Variants in MLLT10 observed in about 807,000 individuals in gnomAD.
MLLT10 encodes the protein MLLT10 histone lysine methyltransferase DOT1L cofactor.
Under a neutral mutation model 129.1 loss-of-function variants are expected in MLLT10, and 30 were observed. That is an observed-to-expected ratio of 0.23 (90% CI 0.17 to 0.32). MLLT10 has a LOEUF of 0.32. Among genes scored for constraint, MLLT10 ranks in the 10% least tolerant of loss-of-function variants. MLLT10 has a pLI of 1.00. For synonymous variants in MLLT10, 490 were observed against 446.4 expected, an observed-to-expected ratio of 1.10 and a Z score of -1.23; for missense variants, 1,119 against 1,268.3, an observed-to-expected ratio of 0.88 and a Z score of 1.79.
chr10:21,591,754 C>T (rs1394159915), intron 4 of MLLT10, among the ~76,000 whole-genome samples: 4 of 151,556 alleles, frequency 2.6e-5, no homozygotes, highest in African/African-American at 9.7e-5. Context: ...AATGGAGTCT[C>T]GGTGTGTTGC....
At chr10:21,591,225 G>A (rs1405120027) in intron 4 of MLLT10, among the ~76,000 whole-genome samples, 1 of 151,898 alleles carries the variant, frequency 6.6e-6, no homozygotes, top group Non-Finnish European at 1.5e-5. Context: ...TCCGGCTAAT[G>A]TTTTTGTATT....
At position 21,735,202 on chromosome 10, in the gene MLLT10, T is replaced by A. The variant is rs1564748463; in HGVS notation, c.2922T>A (p.Phe974Leu). ...QRQILIHQQQFQQLLNSQQLT... is the reference protein window; with the variant it reads ...QRQILIHQQQLQQLLNSQQLT... ...AAATACTTATTCATCAACAGCAGTT[T>A]CAGCAGTTGTTAAATTCTCAACAGC... Residue 974 changes from phenylalanine to leucine, a missense_variant, in exon 21 of 23, where the codon TTT (phenylalanine) becomes TTA (leucine). Coordinates refer to ENST00000307729, the MANE Select transcript of MLLT10 (RefSeq NM_001195626.3). 3 of 1,613,980 alleles carry A rather than the reference T, an allele frequency of 1.9e-6. No individual in the cohort carries two copies. Among genetic ancestry groups the A allele is most frequent in the Non-Finnish European group, 2.5e-6 (3 of 1,179,966 alleles).
At chr10:21,536,625 C>T (rs1044904087) in intron 2 of MLLT10, among the ~76,000 whole-genome samples, 4 of 152,070 alleles carry the variant, frequency 2.6e-5, no homozygotes, top group Non-Finnish European at 5.9e-5. Context: ...CTCAGGCTGG[C>T]ATGCAGGGTG....
Position 21,651,768 on chromosome 10 carries a change from A to T in MLLT10, c.795A>T (p.Lys265Asn). The T allele has an allele frequency of 6.2e-7, 1 of 1,602,798 alleles. No homozygotes were observed. Among genetic ancestry groups the T allele is most frequent in the Non-Finnish European group, 8.5e-7 (1 of 1,171,932 alleles). ...LVPSLTVTTE[K>N]TYTSTSNNSI... ...CATCCTTGACTGTTACTACAGAAAA[A>T]GTAAGTTTTAAGTATCATATTTTGT... The change falls in exon 9 of 23, where the codon AAA (lysine) becomes AAT (asparagine). Residue 265 changes from lysine (K) to asparagine (N), a missense_variant and splice_region_variant. By Grantham distance (94) the Lys-to-Asn change is moderately conservative. This residue lies in a region of MLLT10 where 1,004 missense variants were observed against 1,008.7 expected (regional missense o/e 1.00). Coordinates refer to ENST00000307729, the MANE Select transcript of MLLT10 (RefSeq NM_001195626.3).
Position 21,613,153 on chromosome 10 carries a change from C to A in MLLT10, c.509+702C>A, listed in dbSNP as rs149843304. Reference sequence around the variant, plus strand: ...AGTTTGCAGTGAACCGAGATTGCGCCATTGAACTCCAGCCTGGCGACAAAC... The same window carrying A: ...AGTTTGCAGTGAACCGAGATTGCGCAATTGAACTCCAGCCTGGCGACAAAC... On this transcript the variant is annotated intron_variant, in intron 6 of 22. Coordinates refer to ENST00000307729, the MANE Select transcript of MLLT10 (RefSeq NM_001195626.3). Among the ~76,000 whole-genome samples, 771 of 129,134 alleles carry A rather than the reference C, an allele frequency of 6.0e-3. 4 individuals are homozygous for A. Among genetic ancestry groups the A allele is most frequent in the African/African-American group, 0.021 (717 of 33,458 alleles). The allele number at this position is 129,134 out of a possible 152,430, so 84.7% of individuals were successfully genotyped here.
At chr10:21,738,395 C>G in intron 21 of MLLT10, 5 of 1,287,586 alleles carry the variant, frequency 3.9e-6, no homozygotes, top group Non-Finnish European at 5.1e-6. Context: ...AGATTTTACT[C>G]TAATAATAGC....
chr10:21,540,344 T>G (rs189197620), intron 3 of MLLT10, among the ~76,000 whole-genome samples: 2 of 151,746 alleles, frequency 1.3e-5, no homozygotes, highest in Non-Finnish European at 1.5e-5. Context: ...GAGCCAAGAT[T>G]GTGCCACTGC....
intron 8 of MLLT10, among the ~76,000 whole-genome samples, chr10:21,617,929 G>T (rs985436193): frequency 6.6e-6 from 1 of 152,084 alleles, no homozygotes; most frequent in African/African-American, 2.4e-5. Flanking sequence ...AGGCTGAGGC[G>T]AGAGGATCGT....
intron 4 of MLLT10, among the ~76,000 whole-genome samples, chr10:21,587,483 A>G (rs1415771942): frequency 2.0e-5 from 3 of 150,448 alleles, no homozygotes; most frequent in African/African-American, 4.9e-5. Flanking sequence ...ATGCTTTCCT[A>G]TGAACCCTTG....
chr10:21,593,242 A>G (rs187182803), intron 4 of MLLT10, among the ~76,000 whole-genome samples: 1 of 151,948 alleles, frequency 6.6e-6, no homozygotes, highest in Non-Finnish European at 1.5e-5. Flanking sequence ...CTATAGGTGC[A>G]TGCTGCCGCA....
chr10:21,571,657 G>A (rs117560913), intron 3 of MLLT10, among the ~76,000 whole-genome samples: 32 of 152,294 alleles, frequency 2.1e-4, no homozygotes, highest in Non-Finnish European at 2.8e-4. Flanking sequence ...ACCAGAAGTG[G>A]TATCATTGTG....
intron 9 of MLLT10, among the ~76,000 whole-genome samples, chr10:21,664,144 A>C (rs539497650): frequency 4.3e-4 from 65 of 152,222 alleles, no homozygotes; most frequent in African/African-American, 1.5e-3. Context: ...GTTACTTAAA[A>C]GTGTGTTATT....
chr10:21,571,097 C>G (rs554935274), intron 3 of MLLT10, among the ~76,000 whole-genome samples: 1 of 152,220 alleles, frequency 6.6e-6, no homozygotes, highest in South Asian at 2.1e-4. Context: ...CTTAGTACTC[C>G]TATGTCATAT....
rs185829049 is a variant in MLLT10 at position 21,558,550 on chromosome 10, T to A, written c.240+19638T>A. 2.9e-3 allele frequency among the ~76,000 whole-genome samples: 433 copies of A among 151,842 alleles called. 1 individual carries two copies. The highest frequency in any genetic ancestry group is 0.01 in the African/African-American group (422 of 41,462). On this transcript the variant is annotated intron_variant, in intron 3 of 22. Transcript: ENST00000307729. ...CAAGTTTCTTCTTCTTTTTTTTTTT[T>A]AATTTTTAATTAAAGAATAGAGGTG...
chr10:21,696,660 C>A (rs776364512), intron 13 of MLLT10, among the ~76,000 whole-genome samples: 11 of 152,036 alleles, frequency 7.2e-5, no homozygotes, highest in Non-Finnish European at 1.5e-4. Context: ...GCATGTGTGT[C>A]CAACTCTTTG....
chr10:21,725,473 C>G lies in MLLT10; in HGVS notation c.1879-771C>G, dbSNP rs576711990. On this transcript the variant is annotated intron_variant, in intron 14 of 22. Coordinates refer to ENST00000307729, the MANE Select transcript of MLLT10 (RefSeq NM_001195626.3). The stretch of plus-strand genomic sequence containing the variant: ...GTGGCTCACGCCTATAATCCCAGCT[C>G]TTTGGGAGGCCGAGGCGGGTGGATC... 3.7e-3 allele frequency among the ~76,000 whole-genome samples: 567 copies of G among 152,202 alleles called. 4 individuals are homozygous for G. The highest frequency in any genetic ancestry group is 0.013 in the African/African-American group (557 of 41,560).
chr10:21,731,567 T>C lies in MLLT10; in HGVS notation c.2218+513T>C, dbSNP rs529693111. On this transcript the variant is annotated intron_variant, in intron 17 of 22. Transcript: ENST00000307729. Reference sequence around the variant, plus strand: ...ACTTGCTCACCTCTGGAAAACTTACTTTAAAAAATACAAATAGTCAAGTAT... The same window carrying C: ...ACTTGCTCACCTCTGGAAAACTTACCTTAAAAAATACAAATAGTCAAGTAT... Among the ~76,000 whole-genome samples, 22 of 152,330 alleles carry C rather than the reference T, an allele frequency of 1.4e-4. No homozygotes were observed. The South Asian group carries it at 4.6e-3, about 32-fold the overall frequency.
chr10:21,545,615 A>G (rs2035938446), intron 3 of MLLT10, among the ~76,000 whole-genome samples: 1 of 152,226 alleles, frequency 6.6e-6, no homozygotes, highest in South Asian at 2.1e-4. Flanking sequence ...TTGTTTAGAA[A>G]AAGCACCGTG....
At chr10:21,640,578 T>C (rs1324516594) in intron 8 of MLLT10, among the ~76,000 whole-genome samples, 2 of 151,998 alleles carry the variant, frequency 1.3e-5, no homozygotes. Context: ...TAAAATCTGT[T>C]TGTGCTGTGT....
Sources: allele counts gnomAD v4.1 joint callset (sites outside exome capture counted in the v4.1 genomes callset), GRCh38; gene constraint gnomAD v4.1.1; regional missense constraint gnomAD v4.1.1; transcripts MANE v1.5; gene names NCBI Gene and HGNC (gene_info 2026-07-23, HGNC 2026-07-21).